Variants in ST6GALNAC3 observed in about 807,000 individuals in gnomAD.
ST6GALNAC3 encodes the protein alpha-N-acetylgalactosaminide alpha-2,6-sialyltransferase 3.
In ST6GALNAC3, 25 loss-of-function variants were observed where a neutral mutation model predicts 32.7. The ratio of observed to expected loss-of-function variants is 0.76; its 90% confidence interval spans 0.56 to 1.07. The LOEUF is 1.07. Among genes scored for constraint, ST6GALNAC3 ranks in the 50% least tolerant of loss-of-function variants. ST6GALNAC3 has a pLI of 0.00. For missense variants in ST6GALNAC3, 355 were observed against 382.4 expected (o/e 0.93, Z 0.60); for synonymous variants, 129 against 133.1 (o/e 0.97, Z 0.21).
At chr1:76,562,375 G>T (rs1274003804) in intron 3 of ST6GALNAC3, among the ~76,000 whole-genome samples, 1 of 152,198 alleles carries the variant, frequency 6.6e-6, no homozygotes, top group Non-Finnish European at 1.5e-5. Flanking sequence ...TGTTTACATA[G>T]TTCAGGAAAA....
intron 1 of ST6GALNAC3, among the ~76,000 whole-genome samples, chr1:76,128,874 C>G (rs1649424479): frequency 6.6e-6 from 1 of 152,216 alleles, no homozygotes; most frequent in African/African-American, 2.4e-5. Flanking sequence ...TTACAGACAA[C>G]AGCCACCCTG....
intron 1 of ST6GALNAC3, among the ~76,000 whole-genome samples, chr1:76,305,188 T>TGC (rs1660973392): frequency 6.6e-6 from 1 of 151,960 alleles, no homozygotes; most frequent in Non-Finnish European, 1.5e-5. Flanking sequence ...ATGGGTCAGG[T>TGC]CCATATCTAA....
intron 3 of ST6GALNAC3, among the ~76,000 whole-genome samples, chr1:76,433,656 G>C (rs1183304428): frequency 6.6e-6 from 1 of 152,196 alleles, no homozygotes; most frequent in East Asian, 1.9e-4. Context: ...GCTGGAGATG[G>C]ACAGCAGTCT....
rs528014349 is a variant in ST6GALNAC3 at position 76,591,890 on chromosome 1, A to G, written c.624-35562A>G. ...CTAGAAGAAGAGTGCCTGGCATGTC[A>G]TACCTCAATAATAAATATCTATCTA... On this transcript the variant is annotated intron_variant, in intron 3 of 4. Transcript: ENST00000328299. Among the ~76,000 whole-genome samples the G allele has an allele frequency of 2.0e-5, 3 of 152,312 alleles. No homozygotes were observed. The East Asian group carries it at 5.8e-4, about 29-fold the overall frequency.
At chr1:76,097,441 C>T (rs1647153869) in intron 1 of ST6GALNAC3, among the ~76,000 whole-genome samples, 2 of 152,264 alleles carry the variant, frequency 1.3e-5, no homozygotes, top group African/African-American at 4.8e-5. Context: ...CTTTGCTCTG[C>T]ACTTCTCTTC....
intron 1 of ST6GALNAC3, among the ~76,000 whole-genome samples, chr1:76,111,996 C>T (rs1647991700): frequency 6.6e-6 from 1 of 151,956 alleles, no homozygotes; most frequent in South Asian, 2.1e-4. Context: ...AGGGGCTCCT[C>T]ACTTCCCAGT....
At chr1:76,488,478 G>T (rs917537118) in intron 3 of ST6GALNAC3, among the ~76,000 whole-genome samples, 4 of 152,118 alleles carry the variant, frequency 2.6e-5, no homozygotes, top group African/African-American at 9.7e-5. Flanking sequence ...TTTCTTTACA[G>T]CAATGCAAAA....
intron 3 of ST6GALNAC3, among the ~76,000 whole-genome samples, chr1:76,562,483 A>G (rs1327264212): frequency 1.3e-5 from 2 of 152,130 alleles, no homozygotes; most frequent in African/African-American, 4.8e-5. Context: ...CTTTCTCTCT[A>G]CATCATCAAC....
intron 3 of ST6GALNAC3, among the ~76,000 whole-genome samples, chr1:76,605,861 TAAAAAAAAAAA>T (rs1159864958): frequency 1.7e-5 from 1 of 58,920 alleles, no homozygotes; most frequent in Admixed American, 2.6e-4. Flanking sequence ...GGAGACTCCA[TAAAAAAAAAAA>T]AAAAAAAAAA....
At chr1:76,251,218 C>T (rs780476244) in intron 1 of ST6GALNAC3, among the ~76,000 whole-genome samples, 4 of 152,150 alleles carry the variant, frequency 2.6e-5, no homozygotes, top group Non-Finnish European at 5.9e-5. Flanking sequence ...AGTCCATTTA[C>T]GTGACTTCCT....
At position 76,196,559 on chromosome 1, in the gene ST6GALNAC3, G is replaced by A. The variant is rs1001503860; in HGVS notation, c.19-117246G>A. On this transcript the variant is annotated intron_variant, in intron 1 of 4. Transcript: ENST00000328299. ...CGGCTCACTGCAGCCTCCTCCTCCC[G>A]GGTTCAAGCGATTCTCCCACGTCAG... Among the ~76,000 whole-genome samples, 4 of 151,504 alleles carry A rather than the reference G, an allele frequency of 2.6e-5. No homozygotes were observed. The East Asian group carries it at 5.8e-4, about 22-fold the overall frequency.
In ST6GALNAC3 at chr1:76,544,641, G is replaced by C. The variant is rs183216119; in HGVS notation, c.624-82811G>C. ...GAAAGGAGCAGGTTAGGGGAGGAAG[G>C]GGGAATCAGAGGTTCCTTTTGGGGC... On this transcript the variant is annotated intron_variant, in intron 3 of 4. Coordinates refer to ENST00000328299, the MANE Select transcript of ST6GALNAC3 (RefSeq NM_152996.4). 5.0e-4 allele frequency among the ~76,000 whole-genome samples: 76 copies of C among 152,266 alleles called. No homozygotes were observed. The Middle Eastern group carries it at 0.014, about 27-fold the overall frequency.
chr1:76,144,013 G>T (rs1358774224), intron 1 of ST6GALNAC3, among the ~76,000 whole-genome samples: 1 of 152,168 alleles, frequency 6.6e-6, no homozygotes, highest in Admixed American at 6.5e-5. Flanking sequence ...ATGTCACTGT[G>T]AGCAGTACAT....
intron 1 of ST6GALNAC3, among the ~76,000 whole-genome samples, chr1:76,164,491 T>C (rs967649618): frequency 1.6e-4 from 24 of 152,258 alleles, no homozygotes; most frequent in Middle Eastern, 3.4e-3. Context: ...AAATACTCTG[T>C]TTTTTACATT....
At chr1:76,613,211 TCC>T (rs745525189) in intron 3 of ST6GALNAC3, among the ~76,000 whole-genome samples, 7 of 152,200 alleles carry the variant, frequency 4.6e-5, no homozygotes, top group Non-Finnish European at 1.0e-4. Context: ...AATTGATATT[TCC>T]CCTCGTGATT....
intron 1 of ST6GALNAC3, among the ~76,000 whole-genome samples, chr1:76,107,396 A>G (rs939540376): frequency 6.6e-6 from 1 of 151,996 alleles, no homozygotes; most frequent in Non-Finnish European, 1.5e-5. Flanking sequence ...GAAGAGTTAA[A>G]TAACTTGCCT....
At chr1:76,162,853 T>C (rs1357836385) in intron 1 of ST6GALNAC3, among the ~76,000 whole-genome samples, 1 of 152,086 alleles carries the variant, frequency 6.6e-6, no homozygotes, top group Non-Finnish European at 1.5e-5. Context: ...CCATACAGGA[T>C]GTAGTATTAA....
In ST6GALNAC3 at chr1:76,446,674, G is replaced by A. The variant is rs1571254847; in HGVS notation, c.623+34257G>A. Among the ~76,000 whole-genome samples, 3 of 152,142 alleles carry A rather than the reference G, an allele frequency of 2.0e-5. No individual in the cohort carries two copies. In the South Asian group the frequency reaches 6.2e-4, roughly 31 times the overall value. The stretch of plus-strand genomic sequence containing the variant: ...AGTGGGAGGTGATTGAATCATGGAA[G>A]CAGGTCTTTCCCATGCTGTTCTCAT... On this transcript the variant is annotated intron_variant, in intron 3 of 4. Transcript: ENST00000328299.
intron 1 of ST6GALNAC3, among the ~76,000 whole-genome samples, chr1:76,091,117 T>TGG (rs1238208799): frequency 6.6e-6 from 1 of 152,232 alleles, no homozygotes; most frequent in African/African-American, 2.4e-5. Context: ...ATCAAGAAGC[T>TGG]GGGCTAGGAT....
Sources: gnomAD v4.1 joint callset for allele counts (sites outside exome capture counted in the v4.1 genomes callset) on GRCh38, gnomAD v4.1.1 for gene constraint, MANE v1.5 for transcripts, NCBI Gene and HGNC (gene_info 2026-07-23, HGNC 2026-07-21) for gene names.